CCDC180: variants seen among roughly 807,000 people sequenced by gnomAD.
CCDC180 encodes coiled-coil domain-containing protein 180.
CCDC180 carries 154 observed loss-of-function variants against 209.2 expected under a neutral mutation model. The ratio of observed to expected loss-of-function variants is 0.74; its 90% CI spans 0.65 to 0.84. The LOEUF is 0.84. CCDC180 is among the 40% of genes least tolerant of loss of function. CCDC180 has a pLI of 0.00. For missense variants in CCDC180, 1,874 were observed against 1,997.3 expected, an observed-to-expected ratio of 0.94 and a Z score of 1.18; for synonymous variants, 778 against 749.1, an observed-to-expected ratio of 1.04 and a Z score of -0.63.
chr9:97,345,552 C>T (rs1587816178), intron 19 of CCDC180: 5 of 407,110 alleles, frequency 1.2e-5, no homozygotes, highest in South Asian at 3.5e-5. Context: ...TTTTTCTGGT[C>T]GATTTTCTGT....
At chr9:97,358,284 C>T (rs1276800915) in intron 25 of CCDC180, among the ~76,000 whole-genome samples, 1 of 152,036 alleles carries the variant, frequency 6.6e-6, no homozygotes, top group Non-Finnish European at 1.5e-5. Flanking sequence ...CCATACCCGG[C>T]TAATTTTTGT....
In CCDC180 at chr9:97,349,130, A is replaced by C; in HGVS notation, c.2694A>C (p.Gln898His). 6.5e-7 allele frequency: 1 copy of C among 1,535,988 alleles called. No homozygotes were observed. Among genetic ancestry groups the C allele is most frequent in the Non-Finnish European group, 8.7e-7 (1 of 1,146,842 alleles). The change falls in exon 21 of 37, where the codon CAA becomes CAC. Residue 898 changes from glutamine (Q) to histidine (H), a missense_variant. Transcript: ENST00000529487. ...TTTCAGCCGAGCTTTTGCTTCATCA[A>C]GAGCAGTTGGACAGCCACTGTGCTG... ...NVRAAELLLH[Q>H]EQLDSHCAGV...
Position 97,377,243 on chromosome 9 carries a change from G to A in CCDC180, c.*349G>A, listed in dbSNP as rs930401570. 2 of 173,502 alleles carry A rather than the reference G, an allele frequency of 1.2e-5. No homozygotes were observed. Among genetic ancestry groups the A allele is most frequent in the South Asian group, 3.1e-4 (2 of 6,462 alleles). The allele number at this position is 173,502 out of a possible 1,614,324, so 10.7% of individuals were successfully genotyped here. A position where few individuals can be genotyped will look rare whatever the true frequency, so the allele number is the denominator to read the frequency against. On this transcript the variant is annotated 3_prime_UTR_variant, in exon 37 of 37. Coordinates refer to ENST00000529487, the MANE Select transcript of CCDC180 (RefSeq NM_020893.6). ...CTTGAAAAATGAAATAAAGGTCATG[G>A]GAAAATGATATTTTAATTTAACAGA...
chr9:97,347,508 A>G lies in CCDC180; in HGVS notation c.2674+19A>G, dbSNP rs1272873818. 1.3e-6 allele frequency: 2 copies of G among 1,533,126 alleles called. No individual in the cohort carries two copies. Among genetic ancestry groups the G allele is most frequent in the African/African-American group, 2.7e-5 (2 of 73,126 alleles). The allele number at this position is 1,533,126 out of a possible 1,614,324, so 95.0% of individuals were successfully genotyped here. A position where few individuals can be genotyped will look rare whatever the true frequency, so the allele number is the denominator to read the frequency against. On this transcript the variant is annotated intron_variant, in intron 20 of 36. Transcript: ENST00000529487. ...AGGGCAGGTACAGATGCTGCCTGGG[A>G]ATGTCTGCCCTGCCCGCAGCCACTC...
intron 16 of CCDC180, 76 bp from the exon 17 acceptor site, chr9:97,330,078 A>AG (rs1222053998): frequency 5.8e-6 from 7 of 1,205,058 alleles, no homozygotes; most frequent in Non-Finnish European, 8.4e-6. Context: ...AAAAAAAAAA[A>AG]AAAAAAAAAA....
chr9:97,309,233 G>A (rs994296491), intron 2 of CCDC180, among the ~76,000 whole-genome samples, 181 bp from the exon 3 acceptor site: 4 of 152,216 alleles, frequency 2.6e-5, no homozygotes, highest in African/African-American at 9.6e-5. Flanking sequence ...GTGGCTGAGT[G>A]ACTGTTACTG....
chr9:97,316,737 A>G lies in CCDC180; in HGVS notation c.796-328A>G, dbSNP rs115086376. On this transcript the variant is annotated intron_variant, in intron 8 of 36. Transcript: ENST00000529487. Reference sequence around the variant, plus strand: ...TTGGAAGAAATTTATAAAAAAGAGTAAACACTTAGAGCTCACTGAGTGCCT... The same window carrying G: ...TTGGAAGAAATTTATAAAAAAGAGTGAACACTTAGAGCTCACTGAGTGCCT... 2.5e-3 allele frequency among the ~76,000 whole-genome samples: 382 copies of G among 152,336 alleles called. 1 individual carries two copies. Among genetic ancestry groups the G allele is most frequent in the African/African-American group, 8.7e-3 (360 of 41,582 alleles).
At position 97,360,189 on chromosome 9, in the gene CCDC180, G is replaced by A. The variant is rs1587828289; in HGVS notation, c.3483+88G>A. 4.7e-6 allele frequency: 7 copies of A among 1,494,518 alleles called. No individual in the cohort carries two copies. The South Asian group carries it at 7.6e-5, about 16-fold the overall frequency. 92.6% of individuals were successfully genotyped at this position (1,494,518 alleles called of 1,614,324 possible). ...CCTGCAGGGCTCAGTAGAGCCAAAG[G>A]GAAGAGGGGACTCCCAGGCCTCCGC... On this transcript the variant is annotated intron_variant, in intron 26 of 36. Coordinates refer to ENST00000529487, the MANE Select transcript of CCDC180 (RefSeq NM_020893.6).
chr9:97,313,057 C>A (rs1182501905), intron 4 of CCDC180, among the ~76,000 whole-genome samples, 179 bp from the exon 5 acceptor site: 2 of 151,968 alleles, frequency 1.3e-5, no homozygotes. Flanking sequence ...GGCCTCGGTC[C>A]CTCTAGCACT....
chr9:97,371,389 G>T (rs548354564), intron 33 of CCDC180: 2 of 403,596 alleles, frequency 5.0e-6, no homozygotes, highest in East Asian at 3.4e-5. Flanking sequence ...TCCCTTGGCC[G>T]TTTCTGAATC....
At chr9:97,331,606 A>T (rs1051657134) in intron 18 of CCDC180, among the ~76,000 whole-genome samples, 1 of 152,180 alleles carries the variant, frequency 6.6e-6, no homozygotes, top group Non-Finnish European at 1.5e-5. Flanking sequence ...GACTGTTATG[A>T]GATGGTATCT....
intron 20 of CCDC180, among the ~76,000 whole-genome samples, chr9:97,348,465 A>C (rs914043355): frequency 2.0e-5 from 3 of 152,182 alleles, no homozygotes; most frequent in Non-Finnish European, 4.4e-5. Flanking sequence ...CCCTGACCCA[A>C]TACACAGTGT....
At chr9:97,309,193 T>A (rs1287456123) in intron 2 of CCDC180, among the ~76,000 whole-genome samples, 1 of 152,254 alleles carries the variant, frequency 6.6e-6, no homozygotes, top group Non-Finnish European at 1.5e-5. Context: ...GATCTTCATT[T>A]AAGGTTCTTA....
At chr9:97,353,995 C>CT (rs33935021) in intron 22 of CCDC180, among the ~76,000 whole-genome samples, 3,494 of 120,092 alleles carry the variant, frequency 0.029, 61 homozygotes, top group African/African-American at 0.035. Context: ...ATCTGGAATT[C>CT]TTTTTTTTTT....
intron 19 of CCDC180, among the ~76,000 whole-genome samples, 175 bp from the exon 20 acceptor site, chr9:97,347,139 C>T (rs1826280906): frequency 6.6e-6 from 1 of 152,126 alleles, no homozygotes; most frequent in African/African-American, 2.4e-5. Flanking sequence ...ATAATGTCCT[C>T]CAGCAGTGGT....
chr9:97,320,304 G>A lies in CCDC180; in HGVS notation c.1159+99G>A, dbSNP rs996147407. ...CAAATGAGTGGCGCCGCCATCATGG[G>A]GAGGAGGGATGGGGGTGTGGCAGGA... On this transcript the variant is annotated intron_variant, in intron 11 of 36. Transcript: ENST00000529487. The A allele has an allele frequency of 4.9e-5, 55 of 1,122,898 alleles. 2 individuals carry two copies. In the South Asian group the frequency reaches 6.6e-4, roughly 14 times the overall value. The allele number at this position is 1,122,898 out of a possible 1,614,324, so 69.6% of individuals were successfully genotyped here.
In CCDC180 at chr9:97,314,917, G is replaced by A. The variant is rs1157269192; in HGVS notation, c.766G>A (p.Val256Met). 6.2e-7 allele frequency: 1 copy of A among 1,614,148 alleles called. No homozygotes were observed. The highest frequency in any genetic ancestry group is 8.5e-7 in the Non-Finnish European group (1 of 1,179,968). The change falls in exon 8 of 37, where the codon GTG (valine) becomes ATG (methionine). Residue 256 changes from valine (V) to methionine (M), a missense_variant. Transcript: ENST00000529487. ...EKTSYLMRPE[V>M]YRLINEEAMV... ...AACTTCCTACCTCATGCGGCCCGAA[G>A]TGTACAGGCTGATAAATGAAGAAGC...
chr9:97,321,392 A>G (rs546563339), intron 11 of CCDC180, among the ~76,000 whole-genome samples: 3 of 152,294 alleles, frequency 2.0e-5, no homozygotes, highest in East Asian at 1.9e-4. Context: ...CAGTGGTGTC[A>G]TTGTCCTCTT....
chr9:97,360,921 G>A (rs1416420045), intron 26 of CCDC180, among the ~76,000 whole-genome samples: 2 of 152,212 alleles, frequency 1.3e-5, no homozygotes, highest in African/African-American at 4.8e-5. Flanking sequence ...GTAGAGCACT[G>A]CTAGGCCCTG....
Sources: gnomAD v4.1 joint callset for allele counts (sites outside exome capture counted in the v4.1 genomes callset) on GRCh38, gnomAD v4.1.1 for gene constraint, MANE v1.5 for transcripts, NCBI Gene and HGNC (gene_info 2026-07-23, HGNC 2026-07-21) for gene names.